Variants in CADPS2 observed in about 807,000 individuals in gnomAD.
CADPS2 encodes the protein calcium dependent secretion activator 2.
A neutral mutation model predicts 172.5 loss-of-function variants in CADPS2; 93 were observed. The ratio of observed to expected loss-of-function variants is 0.54; its 90% CI spans 0.46 to 0.64. CADPS2 has a LOEUF of 0.64. CADPS2 is among the 30% of genes least tolerant of loss of function. CADPS2 has a pLI of 0.00. For missense variants in CADPS2, 1,420 were observed against 1,565.9 expected, an observed-to-expected ratio of 0.91 and a Z score of 1.57; for synonymous variants, 546 against 555.2, an observed-to-expected ratio of 0.98 and a Z score of 0.23.
chr7:122,819,037 G>A (rs534164039), intron 1 of CADPS2, among the ~76,000 whole-genome samples: 3 of 152,136 alleles, frequency 2.0e-5, no homozygotes, highest in East Asian at 3.9e-4. Flanking sequence ...AATTAACCTC[G>A]CCTTCAAGGT....
intron 2 of CADPS2, among the ~76,000 whole-genome samples, chr7:122,671,221 G>A (rs1462628893): frequency 6.6e-6 from 1 of 152,126 alleles, no homozygotes; most frequent in Non-Finnish European, 1.5e-5. Flanking sequence ...GTCAAAGACT[G>A]TTTCATTCAC....
intron 9 of CADPS2, among the ~76,000 whole-genome samples, chr7:122,503,842 G>A (rs1357105214): frequency 6.6e-6 from 1 of 152,210 alleles, no homozygotes. Context: ...CATAGAGTGA[G>A]AATGGAGGAG....
intron 20 of CADPS2, among the ~76,000 whole-genome samples, chr7:122,401,571 C>T (rs1356317006): frequency 3.3e-5 from 5 of 152,168 alleles, no homozygotes; most frequent in Admixed American, 6.5e-5. Context: ...TTTGTACTAG[C>T]TTTATAGTCA....
intron 28 of CADPS2, among the ~76,000 whole-genome samples, chr7:122,340,522 A>C (rs2036609212): frequency 6.6e-6 from 1 of 152,202 alleles, no homozygotes; most frequent in African/African-American, 2.4e-5. Context: ...GGACCTTAGA[A>C]AATGACAAGA....
chr7:122,736,464 A>G (rs1433323248), intron 2 of CADPS2, among the ~76,000 whole-genome samples: 2 of 152,196 alleles, frequency 1.3e-5, no homozygotes, highest in East Asian at 3.9e-4. Context: ...AGAAACTCCT[A>G]TGAGTCACAA....
intron 14 of CADPS2, 78 bp downstream of exon 14, chr7:122,471,297 A>C: frequency 1.2e-6 from 1 of 816,732 alleles, no homozygotes; most frequent in Admixed American, 3.6e-5. Context: ...TTACTGGGTG[A>C]TAATCGCAAA....
chr7:122,661,700 T>C (rs925982225), intron 3 of CADPS2, among the ~76,000 whole-genome samples: 2 of 152,206 alleles, frequency 1.3e-5, no homozygotes, highest in Non-Finnish European at 2.9e-5. Context: ...TTATCTTATA[T>C]AGACTTTAGC....
chr7:122,568,325 G>T (rs1483443700), intron 7 of CADPS2, among the ~76,000 whole-genome samples: 2 of 152,010 alleles, frequency 1.3e-5, no homozygotes, highest in Non-Finnish European at 1.5e-5. Context: ...ATACTACCAG[G>T]GATAAAGAAG....
chr7:122,607,820 A>G (rs2073778278), intron 6 of CADPS2, among the ~76,000 whole-genome samples: 1 of 152,154 alleles, frequency 6.6e-6, no homozygotes, highest in South Asian at 2.1e-4. Flanking sequence ...CTTCTAATGA[A>G]TTTATTTATA....
chr7:122,671,660 G>A (rs918923208), intron 2 of CADPS2, among the ~76,000 whole-genome samples: 5 of 152,188 alleles, frequency 3.3e-5, no homozygotes, highest in Non-Finnish European at 5.9e-5. Flanking sequence ...TCAACTGCCC[G>A]GAGAGCAGGG....
At chr7:122,840,498 CTCAT>C in intron 1 of CADPS2, among the ~76,000 whole-genome samples, 1 of 150,358 alleles carries the variant, frequency 6.7e-6, no homozygotes, top group African/African-American at 2.5e-5. Context: ...CTTTCAAAAT[CTCAT>C]TAAATAAATT....
rs775043642 is a variant in CADPS2 at position 122,393,196 on chromosome 7, G to A, written c.3008C>T (p.Thr1003Ile). 6.2e-6 allele frequency: 10 copies of A among 1,613,376 alleles called. No homozygotes were observed. Among genetic ancestry groups the A allele is most frequent in the South Asian group, 3.3e-5 (3 of 91,024 alleles). The change falls in exon 22 of 30, where the codon ACC becomes ATC. Residue 1003 changes from threonine (T) to isoleucine (I), a missense_variant and splice_region_variant. Thr to Ile is a moderately conservative substitution (Grantham distance 89). Coordinates refer to ENST00000449022, the MANE Select transcript of CADPS2 (RefSeq NM_017954.11). ...ASWMPSLYES[T>I]NGSATSEDLF... ...CAGGAAATAAGTGAGGAATACACAC[G>A]TGGACTCATATAAAGAAGGCATCCA...
At chr7:122,609,627 A>G (rs1185916604) in intron 6 of CADPS2, among the ~76,000 whole-genome samples, 1 of 152,168 alleles carries the variant, frequency 6.6e-6, no homozygotes, top group African/African-American at 2.4e-5. Context: ...TATCAATACC[A>G]TGTTTATTAG....
chr7:122,711,293 C>T (rs1210721280), intron 2 of CADPS2, among the ~76,000 whole-genome samples: 1 of 152,046 alleles, frequency 6.6e-6, no homozygotes, highest in Admixed American at 6.6e-5. Context: ...GCAGCCTTTA[C>T]AGGGATAAAA....
intron 7 of CADPS2, among the ~76,000 whole-genome samples, chr7:122,570,213 G>T (rs1361095873): frequency 6.6e-6 from 1 of 152,004 alleles, no homozygotes; most frequent in Non-Finnish European, 1.5e-5. Context: ...CCATCAAAAA[G>T]TGGGCAAAGG....
intron 9 of CADPS2, among the ~76,000 whole-genome samples, chr7:122,509,153 TGA>T (rs1308715590): frequency 5.9e-5 from 9 of 152,234 alleles, no homozygotes; most frequent in Non-Finnish European, 1.2e-4. Context: ...CTCAAGTGAG[TGA>T]GAGGAGTCTG....
chr7:122,538,164 CAA>C (rs1361023651), intron 8 of CADPS2, among the ~76,000 whole-genome samples: 2 of 148,322 alleles, frequency 1.3e-5, no homozygotes, highest in African/African-American at 4.9e-5. Flanking sequence ...AAAAGAGAAA[CAA>C]AGTGAAAAAG....
At chr7:122,846,338 T>C (rs1439851808) in intron 1 of CADPS2, among the ~76,000 whole-genome samples, 1 of 152,212 alleles carries the variant, frequency 6.6e-6, no homozygotes, top group Non-Finnish European at 1.5e-5. Context: ...AAATCTCTGA[T>C]ATAACAAGAA....
At chr7:122,847,658 G>A (rs147496707) in intron 1 of CADPS2, among the ~76,000 whole-genome samples, 12 of 151,996 alleles carry the variant, frequency 7.9e-5, no homozygotes, top group Admixed American at 2.0e-4. Flanking sequence ...AGCTTATGGC[G>A]TGGGAAAACT....
Sources: allele counts gnomAD v4.1 joint callset (sites outside exome capture counted in the v4.1 genomes callset), GRCh38; gene constraint gnomAD v4.1.1; transcripts MANE v1.5; gene names NCBI Gene and HGNC (gene_info 2026-07-23, HGNC 2026-07-21).